Variants in MPHOSPH9 observed in about 807,000 individuals in gnomAD.
MPHOSPH9 encodes M-phase phosphoprotein 9.
MPHOSPH9 carries 88 observed loss-of-function variants against 145.5 expected under a neutral mutation model. The observed-to-expected ratio is 0.60, with a 90% CI of 0.51 to 0.72. The LOEUF (loss-of-function observed/expected upper bound fraction) is 0.72. Ranked by LOEUF, MPHOSPH9 falls within the 30% of genes least tolerant of loss-of-function variation. The pLI is 0.00. For missense variants in MPHOSPH9, 1,238 were observed against 1,386.6 expected, an observed-to-expected ratio of 0.89 and a Z score of 1.70; for synonymous variants, 435 against 486.2, an observed-to-expected ratio of 0.89 and a Z score of 1.39.
rs373917815 is a variant in MPHOSPH9 at position 123,158,151 on chromosome 12, G to A, written c.3451-1243C>T. ...ATTACAGGTGCCCACCACCATGCCC[G>A]GCTCATTTTCATATTTTTAGTAGAG... On this transcript the variant is annotated intron_variant, in intron 23 of 23. Coordinates refer to ENST00000606320, the MANE Select transcript of MPHOSPH9 (RefSeq NM_022782.4). 6.5e-4 allele frequency among the ~76,000 whole-genome samples: 99 copies of A among 152,040 alleles called. 1 individual carries two copies. The highest frequency in any genetic ancestry group is 2.3e-3 in the South Asian group (11 of 4,828).
Position 123,162,176 on chromosome 12 carries a change from A to G in MPHOSPH9, c.3072T>C (p.Ser1024=). The change falls in exon 21 of 24, where the codon TCT becomes TCC. Residue 1024 remains serine (S), a synonymous_variant. Transcript: ENST00000606320. Reference sequence around the variant, plus strand: ...TTCTTGGATTGGTACGTTGTAATGTAGACACAGGAACAGTATCTAAATCAT... The same window carrying G: ...TTCTTGGATTGGTACGTTGTAATGTGGACACAGGAACAGTATCTAAATCAT... ...LLDDLDTVPV[S]TLQRTNPRKQ... is the part of the protein sequence containing the mutation. 1 of 1,585,896 alleles carries G rather than the reference A, an allele frequency of 6.3e-7. No individual in the cohort carries two copies. The highest frequency in any genetic ancestry group is 8.6e-7 in the Non-Finnish European group (1 of 1,164,010).
intron 1 of MPHOSPH9, among the ~76,000 whole-genome samples, chr12:123,232,675 G>A (rs2047709107): frequency 1.3e-5 from 2 of 152,050 alleles, no homozygotes; most frequent in Non-Finnish European, 2.9e-5. Context: ...AGGAGAGGGA[G>A]AATCTATGCA....
intron 7 of MPHOSPH9, among the ~76,000 whole-genome samples, chr12:123,211,277 GC>G (rs1424867826): frequency 1.3e-5 from 2 of 152,050 alleles, no homozygotes; most frequent in African/African-American, 4.8e-5. Flanking sequence ...GAGCCACCGT[GC>G]CCAGACTAAT....
chr12:123,158,146 T>C (rs1021226650), intron 23 of MPHOSPH9, among the ~76,000 whole-genome samples: 2 of 152,080 alleles, frequency 1.3e-5, no homozygotes, highest in African/African-American at 2.4e-5. Flanking sequence ...CCCACCACCA[T>C]GCCCGGCTCA....
chr12:123,234,941 C>T (rs550584361), upstream of MPHOSPH9, among the ~76,000 whole-genome samples: 2 of 152,258 alleles, frequency 1.3e-5, no homozygotes, highest in Non-Finnish European at 2.9e-5. Context: ...AATGTCATGG[C>T]TTATCAAGTA....
intron 18 of MPHOSPH9, among the ~76,000 whole-genome samples, chr12:123,165,054 T>C (rs997508565): frequency 6.7e-6 from 1 of 150,152 alleles, no homozygotes; most frequent in Non-Finnish European, 1.5e-5. Flanking sequence ...CATGTAAGCC[T>C]TTTTCATAAT....
intron 8 of MPHOSPH9, among the ~76,000 whole-genome samples, chr12:123,206,454 C>T (rs2046435947): frequency 1.4e-5 from 2 of 145,532 alleles, no homozygotes; most frequent in South Asian, 2.2e-4. Context: ...AGAGTGAGAC[C>T]GTGAAGAAAG....
chr12:123,193,518 C>T lies in MPHOSPH9; in HGVS notation c.2241+868G>A, dbSNP rs143654351. Among the ~76,000 whole-genome samples the T allele has an allele frequency of 3.2e-3, 484 of 152,128 alleles. 2 individuals are homozygous for T. Among genetic ancestry groups the T allele is most frequent in the South Asian group, 0.014 (68 of 4,832 alleles). On this transcript the variant is annotated intron_variant, in intron 13 of 23. Coordinates refer to ENST00000606320, the MANE Select transcript of MPHOSPH9 (RefSeq NM_022782.4). ...AAAATTTAGAAGCCAGGTGCAGTGG[C>T]ACACACGTGTAGACCCAGCTACTCA...
chr12:123,158,387 G>C lies in MPHOSPH9; in HGVS notation c.3451-1479C>G, dbSNP rs147030009. Among the ~76,000 whole-genome samples the C allele has an allele frequency of 2.7e-3, 409 of 152,292 alleles. 1 individual carries two copies. The highest frequency in any genetic ancestry group is 9.5e-3 in the African/African-American group (396 of 41,570). On this transcript the variant is annotated intron_variant, in intron 23 of 23. Coordinates refer to ENST00000606320, the MANE Select transcript of MPHOSPH9 (RefSeq NM_022782.4). ...GGAGACCAAGGTGGGAGAATCACTTGTGGCCAGGAGTTCGAGACCACCCTG... is the reference window on the plus strand; with the variant it reads ...GGAGACCAAGGTGGGAGAATCACTTCTGGCCAGGAGTTCGAGACCACCCTG...
intron 1 of MPHOSPH9, among the ~76,000 whole-genome samples, chr12:123,242,964 T>C (rs2047965532): frequency 6.6e-6 from 1 of 152,224 alleles, no homozygotes; most frequent in East Asian, 1.9e-4. Flanking sequence ...GAATTTTGTT[T>C]TGTGGATTGA....
At chr12:123,161,412 T>C (rs2137874396) in intron 21 of MPHOSPH9, 29 bp from the exon 22 acceptor site, 3 of 1,609,908 alleles carry the variant, frequency 1.9e-6, no homozygotes, top group East Asian at 2.2e-5. Context: ...ATTGCTTATA[T>C]TTCTTATCAA....
chr12:123,194,630 T>TTC, intron 12 of MPHOSPH9, 29 bp from the exon 13 acceptor site: 1 of 1,505,704 alleles, frequency 6.6e-7, no homozygotes, highest in Admixed American at 2.3e-5. Context: ...CATAATTTTT[T>TTC]TTTTTTTTTG....
At chr12:123,231,623 G>T (rs2047640032) in intron 1 of MPHOSPH9, among the ~76,000 whole-genome samples, 1 of 151,998 alleles carries the variant, frequency 6.6e-6, no homozygotes, top group African/African-American at 2.4e-5. Flanking sequence ...CTTCAGCCCA[G>T]GAGTTCAAGA....
At chr12:123,226,199 G>T in intron 3 of MPHOSPH9, 1 of 349,328 alleles carries the variant, frequency 2.9e-6, no homozygotes, top group Non-Finnish European at 4.2e-6. Context: ...CAAGCATAAA[G>T]TATAAAAACT....
intron 16 of MPHOSPH9, among the ~76,000 whole-genome samples, chr12:123,175,448 C>T (rs2044807354): frequency 6.6e-6 from 1 of 152,196 alleles, no homozygotes; most frequent in South Asian, 2.1e-4. Context: ...CCACGGCGCC[C>T]AGCCAAGATC....
chr12:123,202,373 T>G, intron 10 of MPHOSPH9, 54 bp from the exon 11 acceptor site: 2 of 1,508,128 alleles, frequency 1.3e-6, no homozygotes, highest in Non-Finnish European at 1.8e-6. Flanking sequence ...TCAGTCTCCA[T>G]CCCACAAGAG....
chr12:123,204,785 C>T (rs947942155), intron 8 of MPHOSPH9, among the ~76,000 whole-genome samples: 2 of 152,024 alleles, frequency 1.3e-5, no homozygotes, highest in South Asian at 2.1e-4. Flanking sequence ...TGAAGTGGGA[C>T]GATCACTTGA....
In MPHOSPH9 at chr12:123,171,134, C is replaced by T. The variant is rs979723206; in HGVS notation, c.2457-4345G>A. On this transcript the variant is annotated intron_variant, in intron 16 of 23. Coordinates refer to ENST00000606320, the MANE Select transcript of MPHOSPH9 (RefSeq NM_022782.4). The stretch of plus-strand genomic sequence containing the variant: ...ATCTTCTGGATACTTTTCCTTTATT[C>T]GTTCCTGTTCACTTTAAAAATACAA... 3.9e-5 allele frequency among the ~76,000 whole-genome samples: 6 copies of T among 152,126 alleles called. No homozygotes were observed. In the East Asian group the frequency reaches 5.8e-4, roughly 15 times the overall value.
intron 12 of MPHOSPH9, among the ~76,000 whole-genome samples, chr12:123,197,016 G>T (rs949404002): frequency 6.8e-6 from 1 of 147,682 alleles, no homozygotes; most frequent in African/African-American, 2.5e-5. Flanking sequence ...GGGGGGTGAC[G>T]GTTAAGGGGT....
Sources: allele counts gnomAD v4.1 joint callset (sites outside exome capture counted in the v4.1 genomes callset), GRCh38; gene constraint gnomAD v4.1.1; transcripts MANE v1.5; gene names NCBI Gene and HGNC (gene_info 2026-07-23, HGNC 2026-07-21).